The following MACF1 variants were observed in gnomAD, a reference collection of about 807,000 sequenced individuals.
MACF1 encodes the protein microtubule-actin cross-linking factor 1.
In MACF1, 193 loss-of-function variants were observed where a neutral mutation model predicts 854.8. The ratio of observed to expected loss-of-function variants is 0.23; its 90% CI spans 0.20 to 0.25. The LOEUF (loss-of-function observed/expected upper bound fraction) is 0.25. Among genes scored for constraint, MACF1 ranks in the 10% least tolerant of loss-of-function variants. The probability of loss-of-function intolerance (pLI) is 1.00; values close to 1 mark genes in which losing one functional copy is unlikely to be tolerated. For synonymous variants in MACF1, 3,185 were observed against 3,226.7 expected (o/e 0.99, Z 0.44); for missense variants, 7,722 against 8,929.1 (o/e 0.86, Z 5.45).
chr1:39,315,768 A>G, intron 27 of MACF1, 77 bp downstream of exon 27: 2 of 1,390,298 alleles, frequency 1.4e-6, no homozygotes, highest in Non-Finnish European at 2.0e-6. Flanking sequence ...AAAGTATTTC[A>G]TGAATAATAC....
At chr1:39,419,827 G>GTC (rs1360759878) in intron 58 of MACF1, among the ~76,000 whole-genome samples, 1 of 151,240 alleles carries the variant, frequency 6.6e-6, no homozygotes, top group African/African-American at 2.4e-5. Context: ...GTGTGTGTGT[G>GTC]TGTGTGTGTG....
At chr1:39,329,094 A>G (rs1295575931) in intron 36 of MACF1, among the ~76,000 whole-genome samples, 3 of 152,168 alleles carry the variant, frequency 2.0e-5, no homozygotes, top group East Asian at 3.8e-4. Context: ...TTTTCCTTCA[A>G]TTTCTTTAAA....
At position 39,335,279 on chromosome 1, in the gene MACF1, G is replaced by T. The variant is rs755939074; in HGVS notation, c.8691G>T (p.Val2897=). Residue 2897 remains valine, a synonymous_variant, in exon 37 of 101, where the codon GTG becomes GTT. Transcript: ENST00000564288. ...AATGTGATTTTAAACTTAAAGAAGT[G>T]GCTAGAAATAACATGGGAAATGATA... is the stretch of plus-strand genomic sequence containing the variant. ...YSECDFKLKE[V]ARNNMGNDTN... 5.6e-6 allele frequency: 9 copies of T among 1,614,000 alleles called. No homozygotes were observed. The South Asian group carries it at 9.9e-5, about 18-fold the overall frequency.
chr1:39,446,280 T>G (rs1644228119), intron 80 of MACF1, among the ~76,000 whole-genome samples: 1 of 150,700 alleles, frequency 6.6e-6, no homozygotes, highest in South Asian at 2.1e-4. Flanking sequence ...AAGATATAAA[T>G]TAGATATAAA....
At chr1:39,145,021 C>T (rs1042003862) in intron 2 of MACF1, among the ~76,000 whole-genome samples, 4 of 152,100 alleles carry the variant, frequency 2.6e-5, no homozygotes, top group African/African-American at 9.7e-5. Context: ...TACTGGCATT[C>T]TCAGATCTCT....
intron 58 of MACF1, among the ~76,000 whole-genome samples, chr1:39,392,881 C>G (rs1329463684): frequency 2.9e-4 from 44 of 152,116 alleles, no homozygotes; most frequent in Admixed American, 2.9e-3. Flanking sequence ...TCAAACCAGG[C>G]AGAGATCTCA....
intron 2 of MACF1, among the ~76,000 whole-genome samples, chr1:39,147,507 C>T (rs573676330): frequency 5.1e-4 from 67 of 132,560 alleles, no homozygotes; most frequent in African/African-American, 1.8e-3. Context: ...TTCTTTCTTT[C>T]TTTTCCTCCT....
rs766839521 is a variant in MACF1 at position 39,315,630 on chromosome 1, C to G, written c.3388C>G (p.Leu1130Val). 1 of 1,614,150 alleles carries G rather than the reference C, an allele frequency of 6.2e-7. No individual in the cohort carries two copies. Among genetic ancestry groups the G allele is most frequent in the Non-Finnish European group, 8.5e-7 (1 of 1,180,012 alleles). ...AAGTGTCCCAACTCTGCGCTCAGAA[C>G]TGAATCTGCTGGTGGAGAAGATGGA... ...SSSVPTLRSE[L>V]NLLVEKMDHV... Residue 1130 changes from leucine (L) to valine (V), a missense_variant, in exon 27 of 101, where the codon CTG becomes GTG. Leu to Val is a conservative substitution (Grantham distance 32, BLOSUM62 1). Coordinates refer to ENST00000564288, the MANE Select transcript of MACF1 (RefSeq NM_001394062.1).
Position 39,426,755 on chromosome 1 carries a change from G to GT in MACF1, c.16317-692dup, listed in dbSNP as rs536903891. Among the ~76,000 whole-genome samples the GT allele has an allele frequency of 7.9e-4, 119 of 151,078 alleles. 2 individuals carry two copies. Among genetic ancestry groups the GT allele is most frequent in the Middle Eastern group, 6.8e-3 (2 of 294 alleles). ...TTCCAAGTGAGCTATAAAGTCTGTA[G>GT]TTTTTTTTGTTTGGTTTTTTTTTGG... On this transcript the variant is annotated intron_variant, in intron 61 of 100. Coordinates refer to ENST00000564288, the MANE Select transcript of MACF1 (RefSeq NM_001394062.1).
chr1:39,176,987 T>C (rs1191478198), intron 2 of MACF1, among the ~76,000 whole-genome samples: 4 of 152,186 alleles, frequency 2.6e-5, no homozygotes, highest in Admixed American at 6.5e-5. Flanking sequence ...TAATATAAGC[T>C]TTAAGAGGGT....
In MACF1 at chr1:39,304,549, A is replaced by C. The variant is rs1230159542; in HGVS notation, c.2789+1471A>C. On this transcript the variant is annotated intron_variant, in intron 23 of 100. Transcript: ENST00000564288. ...TTACAGTTTCAGCAACACTCCTTTC[A>C]AATTTTCTTTTCTTTCTTTTTTTTT... The C allele has an allele frequency of 6.7e-6, 7 of 1,048,660 alleles. No homozygotes were observed. The East Asian group carries it at 1.3e-4, about 19-fold the overall frequency. The allele number at this position is 1,048,660 out of a possible 1,614,324, so 65.0% of individuals were successfully genotyped here. A position where few individuals can be genotyped will look rare whatever the true frequency, so the allele number is the denominator to read the frequency against.
chr1:39,435,886 TAGAAC>T (rs1252686672), intron 70 of MACF1, 125 bp downstream of exon 70: 1 of 776,248 alleles, frequency 1.3e-6, no homozygotes, highest in Non-Finnish European at 2.1e-6. Context: ...GATCGGTAGA[TAGAAC>T]AGAAAGCTTA....
intron 43 of MACF1, among the ~76,000 whole-genome samples, chr1:39,351,344 G>A (rs867275293): frequency 6.6e-6 from 1 of 152,110 alleles, no homozygotes; most frequent in South Asian, 2.1e-4. Context: ...GTAGAGATGA[G>A]GTTTCACCAG....
chr1:39,084,364 T>C lies in MACF1; in HGVS notation c.146T>C (p.Leu49Pro). ...GACACCTTGCCCTGGAACCTGCCAC[T>C]GCATGAGCAGAAAAAGCGGAAAAGC... The change falls in exon 2 of 94, where the codon CTG becomes CCG. Residue 49 changes from leucine (L) to proline (P), a missense_variant. Coordinates refer to the MACF1 transcript ENST00000361689. The surrounding 1 kb of genome is among the most constrained non-coding windows in gnomAD (Gnocchi z 5.2). The C allele has an allele frequency of 1.2e-6, 2 of 1,613,824 alleles. No homozygotes were observed. Among genetic ancestry groups the C allele is most frequent in the Non-Finnish European group, 1.7e-6 (2 of 1,180,028 alleles).
chr1:39,416,298 T>C (rs1643306271), intron 58 of MACF1, among the ~76,000 whole-genome samples: 1 of 151,966 alleles, frequency 6.6e-6, no homozygotes, highest in South Asian at 2.1e-4. Flanking sequence ...GAGATCCCAA[T>C]AGCCTGTACA....
intron 2 of MACF1, among the ~76,000 whole-genome samples, chr1:39,123,833 C>T (rs1188131077): frequency 1.4e-5 from 2 of 145,684 alleles, no homozygotes; most frequent in African/African-American, 5.1e-5. Context: ...AAGCAATTCT[C>T]CTGCCTCAGC....
At chr1:39,109,639 T>G (rs1208059327) in intron 2 of MACF1, among the ~76,000 whole-genome samples, 2 of 152,206 alleles carry the variant, frequency 1.3e-5, no homozygotes, top group East Asian at 3.9e-4. Context: ...AAGGAACCTT[T>G]AATGTTTAGA....
In MACF1 at chr1:39,388,317, A is replaced by G. The variant is rs1285949967; in HGVS notation, c.15475A>G (p.Ile5159Val). 4 of 1,614,092 alleles carry G rather than the reference A, an allele frequency of 2.5e-6. No homozygotes were observed. Among genetic ancestry groups the G allele is most frequent in the Non-Finnish European group, 3.4e-6 (4 of 1,180,044 alleles). ...GRDTDSLQSQ[I>V]EDVRLFLNKI... Reference sequence around the variant, plus strand: ...AGACACTGATAGCCTCCAGTCCCAAATCGAGGATGTCCGGCTATTCCTTAA... The same window carrying G: ...AGACACTGATAGCCTCCAGTCCCAAGTCGAGGATGTCCGGCTATTCCTTAA... Residue 5159 changes from isoleucine to valine, a missense_variant, in exon 58 of 101, where the codon ATC (isoleucine) becomes GTC (valine). Ile to Val is a conservative substitution (Grantham distance 29). Transcript: ENST00000564288.
chr1:39,404,204 G>GT (rs34553201), intron 58 of MACF1, among the ~76,000 whole-genome samples: 38 of 149,390 alleles, frequency 2.5e-4, no homozygotes, highest in African/African-American at 5.4e-4. Context: ...GAATAAAACG[G>GT]TTTTTTTTTG....
Sources: gnomAD v4.1 joint callset for allele counts (sites outside exome capture counted in the v4.1 genomes callset) on GRCh38, gnomAD v4.1.1 for gene constraint, Gnocchi (gnomAD v3.1) non-coding constraint, MANE v1.5 for transcripts, NCBI Gene and HGNC (gene_info 2026-07-23, HGNC 2026-07-21) for gene names.